Variants in ADAMTSL1 observed in about 807,000 individuals in gnomAD.
The protein encoded by ADAMTSL1 is ADAMTS-like protein 1.
Under a neutral mutation model 201.8 loss-of-function variants are expected in ADAMTSL1, and 126 were observed. The ratio of observed to expected loss-of-function variants is 0.62; its 90% confidence interval spans 0.54 to 0.72. The LOEUF is 0.72. ADAMTSL1 is among the 30% of genes least tolerant of loss of function. ADAMTSL1 has a pLI of 0.00. For synonymous variants in ADAMTSL1, 1,121 were observed against 903.4 expected (o/e 1.24, Z -4.32); for missense variants, 2,679 against 2,277.8 (o/e 1.18, Z -3.59).
In ADAMTSL1 at chr9:18,227,818, TGAA is replaced by T. The variant is rs558600770; in HGVS notation, c.207+63844_207+63846del. On this transcript the variant is annotated intron_variant, in intron 2 of 29. Transcript: ENST00000680146. ...ACATCATATCATCATTGTTTCAGAA[TGAA>T]GAAGAAAAAGGCATAATTCATTGCC... is the stretch of plus-strand genomic sequence containing the variant. Among the ~76,000 whole-genome samples the T allele has an allele frequency of 5.0e-3, 757 of 152,290 alleles. 11 individuals carry two copies. Among genetic ancestry groups the T allele is most frequent in the African/African-American group, 0.018 (737 of 41,566 alleles).
intron 1 of ADAMTSL1, among the ~76,000 whole-genome samples, chr9:18,138,338 A>G (rs572031773): frequency 1.3e-5 from 2 of 152,230 alleles, no homozygotes; most frequent in African/African-American, 4.8e-5. Flanking sequence ...TTTTTTCTAG[A>G]TAGATATCTC....
intron 2 of ADAMTSL1, among the ~76,000 whole-genome samples, chr9:18,434,676 A>G (rs1023272696): frequency 1.3e-5 from 2 of 152,148 alleles, no homozygotes; most frequent in African/African-American, 4.8e-5. Flanking sequence ...GATATTTTGG[A>G]AATGCAGTTG....
chr9:18,086,365 G>C (rs1422972971), intron 1 of ADAMTSL1, among the ~76,000 whole-genome samples: 1 of 151,786 alleles, frequency 6.6e-6, no homozygotes, highest in Admixed American at 6.6e-5. Flanking sequence ...CCAATGATTT[G>C]AATTCCATTG....
chr9:18,514,857 C>T (rs999381262), intron 2 of ADAMTSL1, among the ~76,000 whole-genome samples: 3 of 152,172 alleles, frequency 2.0e-5, no homozygotes, highest in Admixed American at 6.5e-5. Flanking sequence ...GCAACTTTGC[C>T]TTGTTCCTGA....
intron 7 of ADAMTSL1, among the ~76,000 whole-genome samples, chr9:18,648,752 G>T (rs1293767422): frequency 3.3e-5 from 5 of 152,034 alleles, no homozygotes; most frequent in South Asian, 2.1e-4. Flanking sequence ...TCTGCCGAGA[G>T]ATCCGCTGTT....
At chr9:18,782,489 A>G (rs1230237605) in intron 19 of ADAMTSL1, among the ~76,000 whole-genome samples, 3 of 152,232 alleles carry the variant, frequency 2.0e-5, no homozygotes, top group Non-Finnish European at 4.4e-5. Flanking sequence ...GATATGTTAC[A>G]TAAATATTTG....
intron 1 of ADAMTSL1, among the ~76,000 whole-genome samples, chr9:18,479,531 C>A (rs79203160): frequency 6.6e-6 from 1 of 152,158 alleles, no homozygotes. Flanking sequence ...GTACAGTCAG[C>A]GCTTAGTAAT....
chr9:18,295,318 G>T (rs1243144418), intron 2 of ADAMTSL1, among the ~76,000 whole-genome samples: 1 of 151,676 alleles, frequency 6.6e-6, no homozygotes, highest in African/African-American at 2.4e-5. Flanking sequence ...ATTCAAGGAT[G>T]GAGATTTTGA....
chr9:18,827,507 C>A (rs1196734014), intron 22 of ADAMTSL1, among the ~76,000 whole-genome samples: 3 of 152,152 alleles, frequency 2.0e-5, no homozygotes, highest in Non-Finnish European at 4.4e-5. Flanking sequence ...TCTTAAGAAG[C>A]CACAGAAAAC....
At chr9:18,856,038 T>G (rs1563862017) in intron 23 of ADAMTSL1, among the ~76,000 whole-genome samples, 1 of 152,218 alleles carries the variant, frequency 6.6e-6, no homozygotes, top group Non-Finnish European at 1.5e-5. Context: ...TAATGAACTT[T>G]CCTGGCATCT....
chr9:18,342,030 A>G (rs1835485343), intron 2 of ADAMTSL1, among the ~76,000 whole-genome samples: 1 of 152,122 alleles, frequency 6.6e-6, no homozygotes, highest in African/African-American at 2.4e-5. Flanking sequence ...TTTTGTATGG[A>G]GGATTTATTA....
chr9:18,029,074 G>T lies in ADAMTSL1; in HGVS notation c.87+122152G>T, dbSNP rs552645512. ...TTGGCTCTCTGTTTGTCTGTTATTG[G>T]TGTATAAGAATGCTTGTGATTTTTG... On this transcript the variant is annotated intron_variant, in intron 1 of 29. Coordinates refer to the ADAMTSL1 transcript ENST00000680146. 8.1e-3 allele frequency among the ~76,000 whole-genome samples: 1,228 copies of T among 152,196 alleles called. 14 individuals carry two copies. Among genetic ancestry groups the T allele is most frequent in the African/African-American group, 0.028 (1,183 of 41,516 alleles).
At chr9:18,462,670 G>A (rs1445864579) in intron 2 of ADAMTSL1, among the ~76,000 whole-genome samples, 1 of 152,100 alleles carries the variant, frequency 6.6e-6, no homozygotes, top group Non-Finnish European at 1.5e-5. Flanking sequence ...CGGGCATGGT[G>A]GCTCACACCT....
At position 18,799,243 on chromosome 9, in the gene ADAMTSL1, A is replaced by T. The variant is rs141486733; in HGVS notation, c.3805+3719A>T. ...ATGTCACCAAAATGTCACATACCTA[A>T]CACTTTGAAGTATTAATTACTTTGT... On this transcript the variant is annotated intron_variant, in intron 20 of 28. Coordinates refer to ENST00000380548, the MANE Select transcript of ADAMTSL1 (RefSeq NM_001040272.6). Among the ~76,000 whole-genome samples the T allele has an allele frequency of 2.4e-4, 36 of 152,336 alleles. No individual in the cohort carries two copies. In the East Asian group the frequency reaches 4.4e-3, roughly 19 times the overall value.
intron 1 of ADAMTSL1, among the ~76,000 whole-genome samples, chr9:17,976,612 G>C (rs1425169058): frequency 6.6e-6 from 1 of 151,378 alleles, no homozygotes; most frequent in Admixed American, 6.6e-5. Context: ...TGAGTTCTTT[G>C]ATCAGTCCTA....
At chr9:17,977,009 C>T (rs1818479583) in intron 1 of ADAMTSL1, among the ~76,000 whole-genome samples, 1 of 151,860 alleles carries the variant, frequency 6.6e-6, no homozygotes, top group African/African-American at 2.4e-5. Flanking sequence ...TCTTTCTATA[C>T]CTAATTTGTT....
chr9:18,061,021 G>A (rs72697480), intron 1 of ADAMTSL1, among the ~76,000 whole-genome samples: 24,649 of 152,004 alleles, frequency 0.16, 2,218 homozygotes, highest in East Asian at 0.36. Flanking sequence ...AGTTTTCTGC[G>A]ACTCAGAGTT....
chr9:18,815,276 A>C (rs1472013533), intron 20 of ADAMTSL1, among the ~76,000 whole-genome samples: 2 of 152,150 alleles, frequency 1.3e-5, no homozygotes, highest in Non-Finnish European at 2.9e-5. Context: ...CTGCAGCACT[A>C]TTCACAATAT....
chr9:18,691,232 T>C (rs535396693), intron 13 of ADAMTSL1, among the ~76,000 whole-genome samples: 42 of 152,320 alleles, frequency 2.8e-4, no homozygotes, highest in African/African-American at 9.6e-4. Flanking sequence ...ACCTCTAAGA[T>C]AAAATATCAG....
Sources: gnomAD v4.1 joint callset for allele counts (sites outside exome capture counted in the v4.1 genomes callset) on GRCh38, gnomAD v4.1.1 for gene constraint, MANE v1.5 for transcripts, NCBI Gene and HGNC (gene_info 2026-07-23, HGNC 2026-07-21) for gene names.